IL1RAPL2: variants seen among roughly 807,000 people sequenced by gnomAD.
IL1RAPL2 encodes X-linked interleukin-1 receptor accessory protein-like 2.
A neutral mutation model predicts 44.1 loss-of-function variants in IL1RAPL2; 3 were observed. That is an observed-to-expected ratio of 0.07 (90% CI 0.03 to 0.18). The LOEUF (loss-of-function observed/expected upper bound fraction) is 0.18, where lower values mean the gene tolerates loss of function less well. IL1RAPL2 is among the 10% of genes least tolerant of loss of function. The probability of loss-of-function intolerance (pLI) is 1.00; values close to 1 mark genes in which losing one functional copy is unlikely to be tolerated. For synonymous variants in IL1RAPL2, 181 were observed against 178.8 expected, an observed-to-expected ratio of 1.01 and a Z score of -0.10; for missense variants, 391 against 496.4, an observed-to-expected ratio of 0.79 and a Z score of 2.02.
intron 7 of IL1RAPL2, among the ~76,000 whole-genome samples, chrX:105,734,803 G>GT (rs1246799939): frequency 5.4e-5 from 6 of 111,709 alleles, no homozygotes; most frequent in African/African-American, 1.6e-4. Flanking sequence ...AATCTTCACA[G>GT]TAAGAACTTA....
chrX:104,568,118 A>G (rs977124951), intron 1 of IL1RAPL2, among the ~76,000 whole-genome samples: 1 of 110,911 alleles, frequency 9.0e-6, no homozygotes, highest in African/African-American at 3.3e-5. Context: ...TCTATTTAGG[A>G]GTATCTTGTC....
At chrX:105,346,491 A>C (rs2035111614) in intron 5 of IL1RAPL2, among the ~76,000 whole-genome samples, 1 of 112,466 alleles carries the variant, frequency 8.9e-6, no homozygotes, top group Admixed American at 9.5e-5. Context: ...ATCAGAAAAT[A>C]AATCACCTTA....
intron 6 of IL1RAPL2, among the ~76,000 whole-genome samples, chrX:105,670,147 A>ATATATATATATATAG (rs2037809979): frequency 5.3e-5 from 2 of 37,523 alleles, no homozygotes; most frequent in Non-Finnish European, 1.2e-4. Context: ...ATATATATAT[A>ATATATATATATATAG]TCTCCACCAG....
intron 6 of IL1RAPL2, among the ~76,000 whole-genome samples, chrX:105,559,883 G>A (rs1351164938): frequency 1.8e-5 from 2 of 111,567 alleles, no homozygotes; most frequent in African/African-American, 6.5e-5. Context: ...CACTGAAGCA[G>A]CATTGCTTGT....
At chrX:105,746,110 G>A (rs1484001354) in intron 8 of IL1RAPL2, among the ~76,000 whole-genome samples, 1 of 112,042 alleles carries the variant, frequency 8.9e-6, no homozygotes, top group African/African-American at 3.2e-5. Flanking sequence ...GTGAGTCAGA[G>A]GAGCAAGCTC....
chrX:105,436,022 G>A (rs1264516129), intron 5 of IL1RAPL2, among the ~76,000 whole-genome samples: 1 of 110,874 alleles, frequency 9.0e-6, no homozygotes, highest in East Asian at 2.8e-4. Flanking sequence ...AAACCTACAC[G>A]TCTGCACATG....
At chrX:105,537,203 T>A (rs1316944791) in intron 6 of IL1RAPL2, among the ~76,000 whole-genome samples, 1 of 112,047 alleles carries the variant, frequency 8.9e-6, no homozygotes, top group African/African-American at 3.2e-5. Flanking sequence ...TTGGGAACAA[T>A]AGATCAAACA....
At chrX:105,523,158 A>G (rs2036570980) in intron 6 of IL1RAPL2, among the ~76,000 whole-genome samples, 1 of 111,637 alleles carries the variant, frequency 9.0e-6, no homozygotes. Flanking sequence ...TTCATGTACA[A>G]CATCAGTATC....
intron 2 of IL1RAPL2, among the ~76,000 whole-genome samples, chrX:104,697,673 G>A (rs1309901908): frequency 9.0e-6 from 1 of 111,370 alleles, no homozygotes; most frequent in Non-Finnish European, 1.9e-5. Flanking sequence ...AGGGTGAGAT[G>A]CAGCCAGGTT....
At chrX:105,301,066 T>A (rs1430748276) in intron 5 of IL1RAPL2, among the ~76,000 whole-genome samples, 1 of 111,734 alleles carries the variant, frequency 8.9e-6, no homozygotes, top group Non-Finnish European at 1.9e-5. Flanking sequence ...GGACACAGTA[T>A]ACTAATAAAA....
intron 6 of IL1RAPL2, among the ~76,000 whole-genome samples, chrX:105,692,929 G>C: frequency 9.0e-6 from 1 of 111,434 alleles, no homozygotes; most frequent in Admixed American, 9.5e-5. Flanking sequence ...CCCTCAAAAC[G>C]TAGTGAACTA....
At chrX:105,299,019 GA>G (rs202037463) in intron 5 of IL1RAPL2, among the ~76,000 whole-genome samples, 7,009 of 111,052 alleles carry the variant, frequency 0.063, 231 homozygotes, top group South Asian at 0.14. Context: ...AGGAAAAGGG[GA>G]CAATGAATCT....
At chrX:105,078,881 G>T (rs1223821740) in intron 2 of IL1RAPL2, among the ~76,000 whole-genome samples, 1 of 111,819 alleles carries the variant, frequency 8.9e-6, no homozygotes, top group African/African-American at 3.2e-5. Flanking sequence ...CCCGTTGGGA[G>T]GGCGCAGTAT....
intron 2 of IL1RAPL2, among the ~76,000 whole-genome samples, chrX:105,046,842 G>T (rs1446864279): frequency 1.1e-5 from 1 of 91,428 alleles, no homozygotes; most frequent in Non-Finnish European, 2.2e-5. Context: ...TTTTTGGGGG[G>T]GTGCTAGACC....
chrX:105,384,926 A>G (rs887274513), intron 5 of IL1RAPL2, among the ~76,000 whole-genome samples: 11 of 111,726 alleles, frequency 9.8e-5, no homozygotes, highest in African/African-American at 3.6e-4. Flanking sequence ...GCATACAGAA[A>G]TGCTACTGAA....
chrX:104,715,946 A>G (rs1217372410), intron 2 of IL1RAPL2, among the ~76,000 whole-genome samples: 1 of 111,446 alleles, frequency 9.0e-6, no homozygotes, highest in Non-Finnish European at 1.9e-5. Flanking sequence ...TTTAAAATTC[A>G]TATGGAATCA....
At chrX:105,384,348 C>G (rs886882259) in intron 5 of IL1RAPL2, among the ~76,000 whole-genome samples, 16 of 111,644 alleles carry the variant, frequency 1.4e-4, no homozygotes, top group African/African-American at 4.9e-4. Context: ...TTTGCCAGCA[C>G]CATTTTTTGA....
At chrX:105,709,794 A>T (rs1454796836) in intron 6 of IL1RAPL2, among the ~76,000 whole-genome samples, 2 of 111,736 alleles carry the variant, frequency 1.8e-5, no homozygotes, top group African/African-American at 6.5e-5. Context: ...TGAAAAAGGA[A>T]AAAGGAAGCA....
At chrX:104,905,010 T>C (rs1221914150) in intron 2 of IL1RAPL2, among the ~76,000 whole-genome samples, 3 of 110,841 alleles carry the variant, frequency 2.7e-5, no homozygotes, top group Non-Finnish European at 5.7e-5. Flanking sequence ...TGGTGTGAGA[T>C]GGTATCTCAT....
Sources: gnomAD v4.1 joint callset for allele counts (sites outside exome capture counted in the v4.1 genomes callset) on GRCh38, gnomAD v4.1.1 for gene constraint, MANE v1.5 for transcripts, NCBI Gene and HGNC (gene_info 2026-07-23, HGNC 2026-07-21) for gene names.